USP6: variants seen among roughly 807,000 people sequenced by gnomAD.
USP6 encodes the protein ubiquitin carboxyl-terminal hydrolase 6.
Under a neutral mutation model 175.7 loss-of-function variants are expected in USP6, and 128 were observed. The observed-to-expected ratio is 0.73, with a 90% CI of 0.63 to 0.84. USP6 has a LOEUF of 0.84. USP6 is among the 40% of genes least tolerant of loss of function. The pLI, the probability that USP6 is intolerant of heterozygous loss-of-function variation, is 0.00. For missense variants in USP6, 1,498 were observed against 1,760.3 expected (o/e 0.85, Z 2.67); for synonymous variants, 562 against 630.6 (o/e 0.89, Z 1.63).
intron 25 of USP6, among the ~76,000 whole-genome samples, chr17:5,144,213 AACATT>A (rs1364305102): frequency 2.6e-5 from 4 of 152,040 alleles, no homozygotes; most frequent in Non-Finnish European, 5.9e-5. Context: ...TGTTGAAGAC[AACATT>A]ACATTATATA....
intron 35 of USP6, among the ~76,000 whole-genome samples, chr17:5,170,091 C>A (rs1242292297): frequency 6.6e-6 from 1 of 152,074 alleles, no homozygotes; most frequent in Admixed American, 6.5e-5. Context: ...CCATGCCTAA[C>A]AATAGGAAGT....
chr17:5,168,190 A>G (rs2074135604), intron 34 of USP6, 67 bp downstream of exon 34: 1 of 1,484,534 alleles, frequency 6.7e-7, no homozygotes, highest in Non-Finnish European at 9.0e-7. Flanking sequence ...ATGAACAAAC[A>G]GGAGGTTTTG....
chr17:5,150,856 G>A (rs945608535), intron 30 of USP6, among the ~76,000 whole-genome samples: 1 of 151,934 alleles, frequency 6.6e-6, no homozygotes, highest in Non-Finnish European at 1.5e-5. Flanking sequence ...AGTAGGGTGG[G>A]GGCTTCCTCC....
intron 31 of USP6, among the ~76,000 whole-genome samples, chr17:5,158,614 G>GGAGAGAGAGAGAGA (rs71151843): frequency 1.5e-4 from 4 of 26,354 alleles, no homozygotes; most frequent in Admixed American, 5.3e-4. Context: ...AGGGAGAGGG[G>GGAGAGAGAGAGAGA]GAGAGAGAGA....
chr17:5,134,307 TG>T (rs1455173454), intron 15 of USP6: 2 of 351,352 alleles, frequency 5.7e-6, no homozygotes, highest in Non-Finnish European at 1.1e-5. Context: ...CACAGGAGGG[TG>T]GCAGGATGGA....
intron 2 of USP6, among the ~76,000 whole-genome samples, chr17:5,120,352 G>A (rs1401593098): frequency 6.6e-6 from 1 of 152,140 alleles, no homozygotes; most frequent in African/African-American, 2.4e-5. Flanking sequence ...CTGGGGGGTT[G>A]TTATCTCTCA....
In USP6 at chr17:5,131,397, G is replaced by A. The variant is rs139539596; in HGVS notation, c.155+713G>A. Among the ~76,000 whole-genome samples, 313 of 151,470 alleles carry A rather than the reference G, an allele frequency of 2.1e-3. 1 individual carries two copies. The highest frequency in any genetic ancestry group is 3.5e-3 in the Middle Eastern group (1 of 282). Reference sequence around the variant, plus strand: ...AGCGGATGCCGGGCAAGATAAGGTGGGAGGGAGCTTATGAGGCGTGCCACT... The same window carrying A: ...AGCGGATGCCGGGCAAGATAAGGTGAGAGGGAGCTTATGAGGCGTGCCACT... On this transcript the variant is annotated intron_variant, in intron 11 of 37. Transcript: ENST00000574788.
chr17:5,132,940 A>C lies in USP6; in HGVS notation c.226A>C (p.Lys76Gln). ...KIRREMTRTS[K>Q]WMEMLGEWET... ...TCGGCGGGAGATGACACGAACGAGC[A>C]AGTGGATGGAAATGCTGGGAGAATG... is the stretch of plus-strand genomic sequence containing the variant. The change falls in exon 13 of 38, where the codon AAG becomes CAG. Residue 76 changes from lysine to glutamine, a missense_variant. Transcript: ENST00000574788. This position sits in a 1 kb window ranked among gnomAD's most constrained non-coding sequence, Gnocchi z 4.7. 6.2e-7 allele frequency: 1 copy of C among 1,614,190 alleles called. No individual in the cohort carries two copies. Among genetic ancestry groups the C allele is most frequent in the Non-Finnish European group, 8.5e-7 (1 of 1,180,018 alleles).
rs148581351 is a variant in USP6 at position 5,157,671 on chromosome 17, C to T, written c.2828+2065C>T. On this transcript the variant is annotated intron_variant, in intron 31 of 37. Coordinates refer to ENST00000574788, the MANE Select transcript of USP6 (RefSeq NM_001304284.2). ...GGGGCGGGATGGAGTCTTGCTCTGT[C>T]GCCAGGCTGGAGTGCAGTGGCATGA... 6.9e-3 allele frequency among the ~76,000 whole-genome samples: 1,046 copies of T among 151,936 alleles called. 13 individuals are homozygous for T. The highest frequency in any genetic ancestry group is 0.023 in the African/African-American group (943 of 41,416).
At chr17:5,162,861 G>C (rs1431262991) in intron 32 of USP6, 23 bp from the exon 33 acceptor site, 2 of 1,586,888 alleles carry the variant, frequency 1.3e-6, no homozygotes, top group African/African-American at 2.7e-5. Flanking sequence ...TTCTTCCTCT[G>C]TGGATCTTTC....
rs761732947 is a variant in USP6 at position 5,133,971 on chromosome 17, T to G, written c.469T>G (p.Phe157Val). The G allele has an allele frequency of 8.7e-6, 14 of 1,613,996 alleles. No homozygotes were observed. The highest frequency in any genetic ancestry group is 7.7e-5 in the South Asian group (7 of 91,090). Reference protein sequence around the residue: ...DVRTTLRNHVFFRDRYGAKQR... With the variant: ...DVRTTLRNHVVFRDRYGAKQR... ...GAGGACGACTCTCCGGAACCATGTC[T>G]TCTTTAGGGATCGATATGGAGCCAA... Residue 157 changes from phenylalanine (F) to valine (V), a missense_variant, in exon 15 of 38, where the codon TTC becomes GTC. Phe to Val is a conservative substitution (Grantham distance 50, BLOSUM62 -1). Around this residue, in one of 2 missense-constraint regions of USP6, gnomAD observed 281 missense variants for 259.6 expected, o/e 1.08. Transcript: ENST00000574788.
At chr17:5,172,067 C>T (rs548038984) in intron 37 of USP6, among the ~76,000 whole-genome samples, 2 of 150,980 alleles carry the variant, frequency 1.3e-5, no homozygotes, top group Admixed American at 6.6e-5. Context: ...CCCAGCTACT[C>T]GGGAGGCTGA....
At chr17:5,151,949 G>T (rs1175807349) in intron 30 of USP6, among the ~76,000 whole-genome samples, 1 of 152,042 alleles carries the variant, frequency 6.6e-6, no homozygotes, top group East Asian at 1.9e-4. Context: ...CATTAAAATT[G>T]ATAACTTGGC....
chr17:5,160,523 T>A (rs1007166644), intron 31 of USP6, among the ~76,000 whole-genome samples: 1 of 152,212 alleles, frequency 6.6e-6, no homozygotes, highest in Non-Finnish European at 1.5e-5. Flanking sequence ...TAAATTTTTT[T>A]AAAAGTTGGA....
Position 5,140,409 on chromosome 17 carries a change from G to C in USP6, c.1498+735G>C, listed in dbSNP as rs546114998. On this transcript the variant is annotated intron_variant, in intron 22 of 37. Coordinates refer to ENST00000574788, the MANE Select transcript of USP6 (RefSeq NM_001304284.2). ...AACATAGGTGGACCCTGTCTCTAGA[G>C]AAAAGTCAAAGAAATTAGCCAGGCA... Among the ~76,000 whole-genome samples, 4 of 152,170 alleles carry C rather than the reference G, an allele frequency of 2.6e-5. No individual in the cohort carries two copies. The East Asian group carries it at 7.7e-4, about 29-fold the overall frequency.
At chr17:5,164,220 A>G (rs1176845361) in intron 33 of USP6, among the ~76,000 whole-genome samples, 1 of 152,176 alleles carries the variant, frequency 6.6e-6, no homozygotes, top group Non-Finnish European at 1.5e-5. Context: ...TTGTTATGCT[A>G]TGGAGGACTG....
In USP6 at chr17:5,154,014, G is replaced by A. The variant is rs574656182; in HGVS notation, c.2644-1408G>A. Reference sequence around the variant, plus strand: ...AGTAGAATTTATCTCAGTAGTAACTGAGAAAGTATGGGCCCTAGGGCACTA... The same window carrying A: ...AGTAGAATTTATCTCAGTAGTAACTAAGAAAGTATGGGCCCTAGGGCACTA... On this transcript the variant is annotated intron_variant, in intron 30 of 37. Coordinates refer to ENST00000574788, the MANE Select transcript of USP6 (RefSeq NM_001304284.2). 2.0e-5 allele frequency among the ~76,000 whole-genome samples: 3 copies of A among 152,346 alleles called. No homozygotes were observed. The East Asian group carries it at 5.8e-4, about 29-fold the overall frequency.
intron 14 of USP6, 79 bp from the exon 15 acceptor site, chr17:5,133,808 T>C: frequency 2.8e-6 from 4 of 1,439,930 alleles, no homozygotes; most frequent in Non-Finnish European, 3.9e-6. Flanking sequence ...AAGTGCTGAC[T>C]GTGGGCTGAC....
chr17:5,169,592 CCA>C (rs2074169673), intron 35 of USP6, among the ~76,000 whole-genome samples: 1 of 152,134 alleles, frequency 6.6e-6, no homozygotes, highest in African/African-American at 2.4e-5. Context: ...CAGGCATGCA[CCA>C]CTGCACCTGG....
Sources: allele counts gnomAD v4.1 joint callset (sites outside exome capture counted in the v4.1 genomes callset), GRCh38; gene constraint gnomAD v4.1.1; regional missense constraint gnomAD v4.1.1; non-coding constraint Gnocchi (gnomAD v3.1); transcripts MANE v1.5; gene names NCBI Gene and HGNC (gene_info 2026-07-23, HGNC 2026-07-21).